The following RUNX1 variants were observed in gnomAD, a reference collection of about 807,000 sequenced individuals.
RUNX1 encodes RUNX family transcription factor 1.
RUNX1 carries 19 observed loss-of-function variants against 42.8 expected under a neutral mutation model. The observed-to-expected ratio is 0.44, with a 90% CI of 0.31 to 0.65. The LOEUF is 0.65. Among genes scored for constraint, RUNX1 ranks in the 30% least tolerant of loss-of-function variants. RUNX1 has a pLI of 0.07. For missense variants in RUNX1, 528 were observed against 672.0 expected, an observed-to-expected ratio of 0.79 and a Z score of 2.37; for synonymous variants, 271 against 289.4, an observed-to-expected ratio of 0.94 and a Z score of 0.64.
At chr21:34,945,849 C>A (rs1432007340) in intron 2 of RUNX1, among the ~76,000 whole-genome samples, 1 of 152,178 alleles carries the variant, frequency 6.6e-6, no homozygotes, top group Non-Finnish European at 1.5e-5. Context: ...TTCTCCAGAT[C>A]TGGCTTCTCT....
At chr21:34,881,866 T>A (rs1317463599) in intron 4 of RUNX1, among the ~76,000 whole-genome samples, 1 of 152,234 alleles carries the variant, frequency 6.6e-6, no homozygotes, top group African/African-American at 2.4e-5. Context: ...TACTATTGGC[T>A]GTATTTCCTT....
At chr21:34,975,127 T>C (rs2058791528) in intron 2 of RUNX1, among the ~76,000 whole-genome samples, 1 of 152,226 alleles carries the variant, frequency 6.6e-6, no homozygotes. Context: ...AGTGTAATAC[T>C]AGGCAGAGCC....
At chr21:34,997,413 G>A (rs2059004601) in intron 2 of RUNX1, among the ~76,000 whole-genome samples, 1 of 152,178 alleles carries the variant, frequency 6.6e-6, no homozygotes, top group Non-Finnish European at 1.5e-5. Context: ...TTCCTGTGTT[G>A]TATCTGGCCT....
intron 2 of RUNX1, among the ~76,000 whole-genome samples, chr21:35,029,831 A>G (rs1173332576): frequency 1.3e-5 from 2 of 152,114 alleles, no homozygotes; most frequent in African/African-American, 4.8e-5. Flanking sequence ...AAGTCCTACA[A>G]CCACGATCCT....
At chr21:34,871,405 C>A (rs780600280) in intron 5 of RUNX1, among the ~76,000 whole-genome samples, 1 of 152,102 alleles carries the variant, frequency 6.6e-6, no homozygotes, top group Admixed American at 6.5e-5. Context: ...GATGTATACA[C>A]GGAGAAGGAA....
chr21:34,871,989 A>G (rs767629832), intron 5 of RUNX1, among the ~76,000 whole-genome samples: 3 of 152,070 alleles, frequency 2.0e-5, no homozygotes, highest in South Asian at 2.1e-4. Context: ...GATTACAGGT[A>G]TGTGCCACCA....
intron 3 of RUNX1, among the ~76,000 whole-genome samples, chr21:34,889,231 T>G (rs1332992542): frequency 6.6e-6 from 1 of 151,654 alleles, no homozygotes; most frequent in Non-Finnish European, 1.5e-5. Flanking sequence ...GGGGGTGCGA[T>G]TTGGCCGCGG....
chr21:34,846,349 C>G (rs2057316467), intron 6 of RUNX1, among the ~76,000 whole-genome samples: 1 of 151,700 alleles, frequency 6.6e-6, no homozygotes, highest in South Asian at 2.1e-4. Context: ...TCCCCCTTCT[C>G]CTGCCCTGCC....
chr21:34,870,548 G>A (rs372692546), intron 5 of RUNX1, among the ~76,000 whole-genome samples: 2 of 152,184 alleles, frequency 1.3e-5, no homozygotes, highest in African/African-American at 4.8e-5. Flanking sequence ...CCATGCACAG[G>A]AAAGCCACTC....
rs1455441733 is a variant in RUNX1 at position 34,843,661 on chromosome 21, C to T, written c.614-9060G>A. Among the ~76,000 whole-genome samples the T allele has an allele frequency of 6.6e-6, 1 of 152,162 alleles. No individual in the cohort carries two copies. Among genetic ancestry groups the T allele is most frequent in the Non-Finnish European group, 1.5e-5 (1 of 68,008 alleles). On this transcript the variant is annotated intron_variant, in intron 6 of 8. Coordinates refer to ENST00000675419, the MANE Select transcript of RUNX1 (RefSeq NM_001754.5). This position sits in a 1 kb window ranked among gnomAD's most constrained non-coding sequence, Gnocchi z 4.8. ...TACAACTTCAAGCCAGAGACGCACA[C>T]AGGCCTGCCCCTCCCCAGCCCCCCT... is the stretch of plus-strand genomic sequence containing the variant.
Position 34,792,756 on chromosome 21 carries a change from G to A in RUNX1, c.968-146C>T, listed in dbSNP as rs968700712. 105 of 766,934 alleles carry A rather than the reference G, an allele frequency of 1.4e-4. No homozygotes were observed. Among genetic ancestry groups the A allele is most frequent in the Admixed American group, 1.1e-3 (37 of 35,010 alleles). 47.5% of individuals were successfully genotyped at this position (766,934 alleles called of 1,614,324 possible). On this transcript the variant is annotated intron_variant, in intron 8 of 8. Coordinates refer to ENST00000675419, the MANE Select transcript of RUNX1 (RefSeq NM_001754.5). The surrounding 1 kb of genome is among the most constrained non-coding windows in gnomAD (Gnocchi z 6.9). Reference sequence around the variant, plus strand: ...AGGATGCTACTGCTGGGGAGGACGGGGACCACCCGGGATGCTACTCCCAAG... The same window carrying A: ...AGGATGCTACTGCTGGGGAGGACGGAGACCACCCGGGATGCTACTCCCAAG...
intron 2 of RUNX1, among the ~76,000 whole-genome samples, chr21:34,947,117 T>G (rs76489137): frequency 6.6e-6 from 1 of 152,256 alleles, no homozygotes; most frequent in Admixed American, 6.5e-5. Context: ...CTGTTCTCCC[T>G]GGCTTTGCAT....
intron 2 of RUNX1, among the ~76,000 whole-genome samples, chr21:34,924,205 C>T (rs530426020): frequency 6.6e-5 from 10 of 152,300 alleles, no homozygotes; most frequent in African/African-American, 2.4e-4. Context: ...AACTTAGCTC[C>T]TCTCCTCATT....
At chr21:34,930,967 A>G (rs2058439822) in intron 2 of RUNX1, among the ~76,000 whole-genome samples, 1 of 152,178 alleles carries the variant, frequency 6.6e-6, no homozygotes, top group Non-Finnish European at 1.5e-5. Context: ...GATCACAAGC[A>G]GTCACAATGG....
chr21:34,890,328 G>C (rs941208506), intron 3 of RUNX1, among the ~76,000 whole-genome samples: 2 of 152,206 alleles, frequency 1.3e-5, no homozygotes, highest in Non-Finnish European at 2.9e-5. Context: ...GGAAGAACTA[G>C]CGTTCGAGGA....
intron 2 of RUNX1, among the ~76,000 whole-genome samples, chr21:34,992,765 C>T (rs2058955236): frequency 6.6e-6 from 1 of 152,180 alleles, no homozygotes; most frequent in South Asian, 2.1e-4. Context: ...CACACAAACG[C>T]CTTCGTGGCA....
chr21:35,047,543 A>ACTCT (rs1568814190), intron 2 of RUNX1, among the ~76,000 whole-genome samples: 3 of 131,208 alleles, frequency 2.3e-5, no homozygotes, highest in Non-Finnish European at 4.8e-5. Context: ...ACACACACAC[A>ACTCT]CACACACACA....
intron 7 of RUNX1, among the ~76,000 whole-genome samples, chr21:34,802,334 T>G (rs2056618598): frequency 6.6e-6 from 1 of 152,160 alleles, no homozygotes; most frequent in Non-Finnish European, 1.5e-5. Flanking sequence ...AATGTGCTAA[T>G]TTACCTGGCA....
chr21:35,003,076 C>A (rs985256511), intron 2 of RUNX1, among the ~76,000 whole-genome samples: 13 of 152,152 alleles, frequency 8.5e-5, no homozygotes, highest in East Asian at 3.8e-4. Flanking sequence ...CTATTTCCTC[C>A]CACTCGAAAA....
Sources: gnomAD v4.1 joint callset for allele counts (sites outside exome capture counted in the v4.1 genomes callset) on GRCh38, gnomAD v4.1.1 for gene constraint, Gnocchi (gnomAD v3.1) non-coding constraint, MANE v1.5 for transcripts, NCBI Gene and HGNC (gene_info 2026-07-23, HGNC 2026-07-21) for gene names.